Variants in GALNT18 observed in about 807,000 individuals in gnomAD.
GALNT18 encodes the protein polypeptide N-acetylgalactosaminyltransferase 18, also known as GalNAc-transferase 18.
GALNT18 carries 44 observed loss-of-function variants against 69.5 expected under a neutral mutation model. The observed-to-expected ratio is 0.63, with a 90% CI of 0.50 to 0.81. The LOEUF (loss-of-function observed/expected upper bound fraction) is 0.81, where lower values mean the gene tolerates loss of function less well. Among genes scored for constraint, GALNT18 ranks in the 40% least tolerant of loss-of-function variants. GALNT18 has a pLI of 0.00. For synonymous variants in GALNT18, 364 were observed against 318.2 expected (o/e 1.14, Z -1.53); for missense variants, 715 against 810.0 (o/e 0.88, Z 1.42).
chr11:11,607,109 A>C (rs904107784), intron 1 of GALNT18, among the ~76,000 whole-genome samples: 6 of 152,248 alleles, frequency 3.9e-5, no homozygotes, highest in Non-Finnish European at 8.8e-5. Context: ...TATTGACCAG[A>C]GTGAAAGAAG....
chr11:11,539,662 C>G, intron 1 of GALNT18, among the ~76,000 whole-genome samples: 1 of 152,166 alleles, frequency 6.6e-6, no homozygotes, highest in East Asian at 1.9e-4. Flanking sequence ...GCGGAGGGTT[C>G]CATGCACCCC....
In GALNT18 at chr11:11,444,838, C is replaced by G. The variant is rs865958823; in HGVS notation, c.428+3906G>C. Reference sequence around the variant, plus strand: ...ATACAAGCAGCAGGAACAGAAGTCCCGAAGAGCAAACTGGAATTCACAAGA... The same window carrying G: ...ATACAAGCAGCAGGAACAGAAGTCCGGAAGAGCAAACTGGAATTCACAAGA... On this transcript the variant is annotated intron_variant, in intron 2 of 10. Transcript: ENST00000227756. This position sits in a 1 kb window ranked among gnomAD's most constrained non-coding sequence, Gnocchi z 4.4. Among the ~76,000 whole-genome samples the G allele has an allele frequency of 6.6e-6, 1 of 152,162 alleles. No homozygotes were observed. Among genetic ancestry groups the G allele is most frequent in the South Asian group, 2.1e-4 (1 of 4,804 alleles).
Position 11,368,057 on chromosome 11 carries a change from T to A in GALNT18, c.1092+4458A>T, listed in dbSNP as rs11021819. ...TTCCGTAGTCTTTAGGTTCAAATAGTTTTTGAAGGATGTTTTTATTGGGCA... is the reference window on the plus strand; with the variant it reads ...TTCCGTAGTCTTTAGGTTCAAATAGATTTTGAAGGATGTTTTTATTGGGCA... On this transcript the variant is annotated intron_variant, in intron 6 of 10. Transcript: ENST00000227756. Among the ~76,000 whole-genome samples the A allele has an allele frequency of 1.6e-4, 25 of 152,306 alleles. No homozygotes were observed. In the East Asian group the frequency reaches 4.6e-3, roughly 28 times the overall value.
rs191875901 is a variant in GALNT18, at chr11:11,540,713, G to A, written c.235+80646C>T. ...CACTTCAAAAAGGCACCCTCAACAA[G>A]CACTGAATGATACAACTTCATCCCT... On this transcript the variant is annotated intron_variant, in intron 1 of 10. Transcript: ENST00000227756. This position sits in a 1 kb window ranked among gnomAD's most constrained non-coding sequence, Gnocchi z 4.6. Among the ~76,000 whole-genome samples, 1 of 152,268 alleles carries A rather than the reference G, an allele frequency of 6.6e-6. No individual in the cohort carries two copies. The highest frequency in any genetic ancestry group is 1.9e-4 in the East Asian group (1 of 5,172).
chr11:11,371,831 C>A (rs998409314), intron 6 of GALNT18, among the ~76,000 whole-genome samples: 1 of 152,142 alleles, frequency 6.6e-6, no homozygotes, highest in African/African-American at 2.4e-5. Flanking sequence ...TTTTCACCGG[C>A]CAAGGGGGAA....
chr11:11,272,866 A>G (rs1169571969), intron 10 of GALNT18, among the ~76,000 whole-genome samples: 6 of 152,184 alleles, frequency 3.9e-5, no homozygotes, highest in Admixed American at 2.0e-4. Context: ...GAAGGATGTC[A>G]TCCAAGTCTG....
chr11:11,321,994 C>G (rs968144844), intron 9 of GALNT18, among the ~76,000 whole-genome samples: 3 of 152,144 alleles, frequency 2.0e-5, no homozygotes, highest in Non-Finnish European at 2.9e-5. Flanking sequence ...GCAGCTAGAA[C>G]CTTGAGGGTA....
intron 3 of GALNT18, among the ~76,000 whole-genome samples, chr11:11,394,914 G>C (rs1854290284): frequency 1.3e-5 from 2 of 152,178 alleles, no homozygotes. Flanking sequence ...ACGACTCATA[G>C]ACCACCCAGG....
chr11:11,457,547 C>CT (rs1312301515), intron 1 of GALNT18, among the ~76,000 whole-genome samples: 3 of 152,222 alleles, frequency 2.0e-5, no homozygotes, highest in African/African-American at 7.2e-5. Context: ...GGGCTCCCCC[C>CT]TCAAGGTTGG....
Position 11,614,362 on chromosome 11 carries a change from A to AG in GALNT18, c.235+6996dup, listed in dbSNP as rs1859993473. ...CAAGAGAGTGAGGAGAAGAAGAAGA[A>AG]GAGGAGGAGGAGGAGGAGGAGGAGG... On this transcript the variant is annotated intron_variant, in intron 1 of 10. Transcript: ENST00000227756. This position sits in a 1 kb window ranked among gnomAD's most constrained non-coding sequence, Gnocchi z 5.6. Among the ~76,000 whole-genome samples the AG allele has an allele frequency of 2.4e-4, 35 of 146,416 alleles. No individual in the cohort carries two copies. Among genetic ancestry groups the AG allele is most frequent in the African/African-American group, 8.7e-4 (34 of 39,024 alleles).
At chr11:11,400,596 G>A (rs180795281) in intron 3 of GALNT18, among the ~76,000 whole-genome samples, 86 of 152,278 alleles carry the variant, frequency 5.6e-4, no homozygotes, top group Non-Finnish European at 1.2e-3. Context: ...AGATCAAGAT[G>A]CCAGCAGATC....
rs1858529986 is a variant in GALNT18 at position 11,562,317 on chromosome 11, G to A, written c.235+59042C>T. Among the ~76,000 whole-genome samples the A allele has an allele frequency of 6.6e-6, 1 of 152,102 alleles. No homozygotes were observed. The highest frequency in any genetic ancestry group is 2.4e-5 in the African/African-American group (1 of 41,414). On this transcript the variant is annotated intron_variant, in intron 1 of 10. Transcript: ENST00000227756. This position sits in a 1 kb window ranked among gnomAD's most constrained non-coding sequence, Gnocchi z 4.1. ...ATATGCCCCTAGTGTGTGTCTGTCT[G>A]CGTGTCCATGTTTCCCCTTTAGATG...
chr11:11,423,606 C>T (rs1855061908), intron 3 of GALNT18, among the ~76,000 whole-genome samples: 2 of 152,292 alleles, frequency 1.3e-5, no homozygotes, highest in South Asian at 2.1e-4. Flanking sequence ...TTTTTGTCTC[C>T]TACTTCACTG....
At chr11:11,460,394 C>T (rs1217252412) in intron 1 of GALNT18, among the ~76,000 whole-genome samples, 1 of 152,208 alleles carries the variant, frequency 6.6e-6, no homozygotes, top group East Asian at 1.9e-4. Flanking sequence ...CCATGTCCAA[C>T]ACTACTCTGA....
chr11:11,408,551 T>C (rs1034214664), intron 3 of GALNT18, among the ~76,000 whole-genome samples: 1 of 152,026 alleles, frequency 6.6e-6, no homozygotes. Context: ...CGCCGTCTCT[T>C]TGGGGTCACC....
At position 11,584,141 on chromosome 11, in the gene GALNT18, C is replaced by T. The variant is rs967516164; in HGVS notation, c.235+37218G>A. Among the ~76,000 whole-genome samples the T allele has an allele frequency of 2.0e-5, 3 of 152,050 alleles. No homozygotes were observed. The highest frequency in any genetic ancestry group is 7.2e-5 in the African/African-American group (3 of 41,398). ...AAAGGGGAAGTAGAAGAAGCGGCCC[C>T]TGAGATTCCAGGGAACTTGGTTCCA... On this transcript the variant is annotated intron_variant, in intron 1 of 10. Coordinates refer to ENST00000227756, the MANE Select transcript of GALNT18 (RefSeq NM_198516.3). This position sits in a 1 kb window ranked among gnomAD's most constrained non-coding sequence, Gnocchi z 4.1.
intron 7 of GALNT18, among the ~76,000 whole-genome samples, chr11:11,336,582 G>A (rs1215320828): frequency 6.6e-6 from 1 of 152,210 alleles, no homozygotes. Flanking sequence ...ATTTGCAGCT[G>A]GGATGCTGTA....
Position 11,314,583 on chromosome 11 carries a change from A to G in GALNT18, c.1512+12503T>C, listed in dbSNP as rs936767988. On this transcript the variant is annotated intron_variant, in intron 9 of 10. Coordinates refer to ENST00000227756, the MANE Select transcript of GALNT18 (RefSeq NM_198516.3). The surrounding 1 kb of genome is among the most constrained non-coding windows in gnomAD (Gnocchi z 5.2). ...GTCTGCCTCTCTTTTGCAACTACCA[A>G]AAGAGAAATGGAAATAAGGTTCTTT... 6.6e-6 allele frequency among the ~76,000 whole-genome samples: 1 copy of G among 152,140 alleles called. No homozygotes were observed. The highest frequency in any genetic ancestry group is 1.5e-5 in the Non-Finnish European group (1 of 68,034).
chr11:11,332,983 G>C lies in GALNT18; in HGVS notation c.1279-152C>G. The C allele has an allele frequency of 1.3e-6, 1 of 769,090 alleles. No individual in the cohort carries two copies. The highest frequency in any genetic ancestry group is 1.7e-5 in the African/African-American group (1 of 58,662). The allele number at this position is 769,090 out of a possible 1,614,324, so 47.6% of individuals were successfully genotyped here. ...CGTTAACTCTTGCATTTTCCCACGG[G>C]TACCTTAACCCCGTAACCATCCTCA... On this transcript the variant is annotated intron_variant, in intron 7 of 10. Transcript: ENST00000227756. This position sits in a 1 kb window ranked among gnomAD's most constrained non-coding sequence, Gnocchi z 4.3.
Sources: gnomAD v4.1 joint callset for allele counts (sites outside exome capture counted in the v4.1 genomes callset) on GRCh38, gnomAD v4.1.1 for gene constraint, Gnocchi (gnomAD v3.1) non-coding constraint, MANE v1.5 for transcripts, NCBI Gene and HGNC (gene_info 2026-07-23, HGNC 2026-07-21) for gene names.